Variants in EFR3A observed in about 807,000 individuals in gnomAD.
EFR3A encodes the protein EFR3 homolog A.
Under a neutral mutation model 104.4 loss-of-function variants are expected in EFR3A, and 76 were observed. The observed-to-expected ratio is 0.73, with a 90% confidence interval of 0.60 to 0.88. EFR3A has a LOEUF of 0.88. Among genes scored for constraint, EFR3A ranks in the 40% least tolerant of loss-of-function variants. EFR3A has a pLI of 0.00. For synonymous variants in EFR3A, 330 were observed against 330.0 expected (o/e 1.00, Z 0.00); for missense variants, 985 against 1,012.5 (o/e 0.97, Z 0.37).
Position 131,927,802 on chromosome 8 carries a change from A to G in EFR3A, c.11-12697A>G, listed in dbSNP as rs921079776. Among the ~76,000 whole-genome samples the G allele has an allele frequency of 2.0e-5, 3 of 152,272 alleles. No homozygotes were observed. In the South Asian group the frequency reaches 6.2e-4, roughly 32 times the overall value. ...TGAATTATCGTTTATTATTTTAGAA[A>G]AAAAACCAAAAAGTTAAAAAGTGAG... On this transcript the variant is annotated intron_variant, in intron 1 of 22. Transcript: ENST00000254624.
At chr8:131,957,781 A>G (rs1819089173) in intron 7 of EFR3A, among the ~76,000 whole-genome samples, 1 of 152,226 alleles carries the variant, frequency 6.6e-6, no homozygotes, top group African/African-American at 2.4e-5. Flanking sequence ...TTGATCGAGT[A>G]AAGAAAATAA....
chr8:131,961,538 C>A (rs1371695269), intron 8 of EFR3A, among the ~76,000 whole-genome samples: 1 of 152,146 alleles, frequency 6.6e-6, no homozygotes, highest in Non-Finnish European at 1.5e-5. Context: ...ACACACAAAG[C>A]CTCCAAGAAA....
chr8:131,945,919 G>A (rs1818413970), intron 3 of EFR3A, among the ~76,000 whole-genome samples: 1 of 151,896 alleles, frequency 6.6e-6, no homozygotes, highest in Non-Finnish European at 1.5e-5. Flanking sequence ...ATTAACCAAC[G>A]TCTCTTCATC....
At chr8:131,971,580 C>T (rs539571724) in intron 10 of EFR3A, among the ~76,000 whole-genome samples, 8 of 151,310 alleles carry the variant, frequency 5.3e-5, no homozygotes, top group African/African-American at 7.3e-5. Flanking sequence ...CCCAGCTACG[C>T]GGGAGGCTGA....
Position 131,996,496 on chromosome 8 carries a change from T to C in EFR3A, c.2156T>C (p.Val719Ala), listed in dbSNP as rs748523416. 2.3e-5 allele frequency: 37 copies of C among 1,586,386 alleles called. No individual in the cohort carries two copies. The South Asian group carries it at 4.2e-4, about 18-fold the overall frequency. Reference protein sequence around the residue: ...ILSNNVPSDDVVSNTEEITFE... With the variant: ...ILSNNVPSDDAVSNTEEITFE... ...TCCAACAATGTTCCTTCTGATGATG[T>C]GGTAAGTTACTGAAAGTTTATGGTA... is the stretch of plus-strand genomic sequence containing the variant. The change falls in exon 19 of 23, where the codon GTG (valine) becomes GCG (alanine). Residue 719 changes from valine (V) to alanine (A), a missense_variant and splice_region_variant. By Grantham distance (64) the Val-to-Ala change is moderately conservative. Transcript: ENST00000254624.
intron 6 of EFR3A, 126 bp from the exon 7 acceptor site, chr8:131,955,642 C>G: frequency 2.2e-6 from 2 of 915,206 alleles, no homozygotes; most frequent in Non-Finnish European, 3.2e-6. Context: ...TAGAATTAAG[C>G]TATATATTTT....
At chr8:131,980,436 A>G (rs1820549666) in intron 14 of EFR3A, among the ~76,000 whole-genome samples, 1 of 152,168 alleles carries the variant, frequency 6.6e-6, no homozygotes, top group African/African-American at 2.4e-5. Flanking sequence ...GGACAGATAC[A>G]TTAATTCCTC....
intron 1 of EFR3A, among the ~76,000 whole-genome samples, chr8:131,912,194 G>C (rs1334049890): frequency 6.6e-6 from 1 of 152,154 alleles, no homozygotes; most frequent in Non-Finnish European, 1.5e-5. Flanking sequence ...CTAGATAATG[G>C]TGTGGTACTA....
At chr8:132,006,807 C>G (rs1308047998) in intron 22 of EFR3A, among the ~76,000 whole-genome samples, 2 of 151,748 alleles carry the variant, frequency 1.3e-5, no homozygotes, top group African/African-American at 4.8e-5. Context: ...GATGATATGG[C>G]CTAAATAAAT....
intron 18 of EFR3A, 85 bp downstream of exon 18, chr8:131,987,787 T>G (rs1200133851): frequency 1.9e-5 from 27 of 1,412,176 alleles, no homozygotes; most frequent in Non-Finnish European, 2.5e-5. Flanking sequence ...CAATGAAAAT[T>G]AATTCTGGTG....
chr8:131,973,656 G>A (rs977551173), intron 10 of EFR3A, among the ~76,000 whole-genome samples: 4 of 152,018 alleles, frequency 2.6e-5, no homozygotes, highest in Admixed American at 6.6e-5. Context: ...AGATCATGGC[G>A]TTATTCCTGT....
Position 131,976,109 on chromosome 8 carries a change from A to G in EFR3A, c.1242A>G (p.Thr414=). 1 of 1,601,736 alleles carries G rather than the reference A, an allele frequency of 6.2e-7. No homozygotes were observed. Among genetic ancestry groups the G allele is most frequent in the Non-Finnish European group, 8.5e-7 (1 of 1,172,842 alleles). ...FIMGKVPVFG[T]STHTLDISQL... ...TGGGGAAAGTACCTGTCTTTGGAAC[A>G]TCTACCCATACTTTGGATATCAGTC... is the stretch of plus-strand genomic sequence containing the variant. The change falls in exon 11 of 23, where the codon ACA becomes ACG. Residue 414 remains threonine, a synonymous_variant. Coordinates refer to ENST00000254624, the MANE Select transcript of EFR3A (RefSeq NM_015137.6).
At chr8:131,954,244 T>A (rs1364135650) in intron 6 of EFR3A, among the ~76,000 whole-genome samples, 1 of 152,082 alleles carries the variant, frequency 6.6e-6, no homozygotes, top group Admixed American at 6.6e-5. Context: ...ATATCCAAAT[T>A]GCTGTTTTAA....
intron 1 of EFR3A, among the ~76,000 whole-genome samples, chr8:131,908,424 C>G (rs1203279213): frequency 6.6e-6 from 1 of 152,116 alleles, no homozygotes; most frequent in Non-Finnish European, 1.5e-5. Flanking sequence ...GGCTTAGTAG[C>G]AGTTTCCAAC....
At chr8:132,008,213 A>C (rs968980292) in intron 22 of EFR3A, among the ~76,000 whole-genome samples, 1 of 152,128 alleles carries the variant, frequency 6.6e-6, no homozygotes, top group Non-Finnish European at 1.5e-5. Flanking sequence ...CCTACAACTG[A>C]AAAATAAAAA....
intron 5 of EFR3A, among the ~76,000 whole-genome samples, chr8:131,953,531 G>A (rs972523591): frequency 1.3e-5 from 2 of 152,012 alleles, no homozygotes; most frequent in Non-Finnish European, 2.9e-5. Flanking sequence ...AACCTATGCT[G>A]TTGATTTTTT....
chr8:131,912,769 C>T (rs1816567815), intron 1 of EFR3A, among the ~76,000 whole-genome samples: 1 of 151,976 alleles, frequency 6.6e-6, no homozygotes, highest in African/African-American at 2.4e-5. Context: ...CTTGAAATGA[C>T]ATGTTAAAAT....
chr8:131,992,648 A>T (rs1324782189), intron 18 of EFR3A, among the ~76,000 whole-genome samples: 1 of 152,204 alleles, frequency 6.6e-6, no homozygotes, highest in East Asian at 1.9e-4. Context: ...TAAGGAAGCG[A>T]TGTGATGTTC....
At chr8:131,951,742 A>C (rs892932727) in intron 5 of EFR3A, among the ~76,000 whole-genome samples, 1 of 152,158 alleles carries the variant, frequency 6.6e-6, no homozygotes, top group African/African-American at 2.4e-5. Flanking sequence ...TGCTAACTCT[A>C]GGTCTTTCCA....
Sources: gnomAD v4.1 joint callset for allele counts (sites outside exome capture counted in the v4.1 genomes callset) on GRCh38, gnomAD v4.1.1 for gene constraint, MANE v1.5 for transcripts, NCBI Gene and HGNC (gene_info 2026-07-23, HGNC 2026-07-21) for gene names.